The following PATJ variants were observed in gnomAD, a reference collection of about 807,000 sequenced individuals.
The protein encoded by PATJ is inaD-like protein.
A neutral mutation model predicts 224.9 loss-of-function variants in PATJ; 190 were observed. The ratio of observed to expected loss-of-function variants is 0.84; its 90% CI spans 0.75 to 0.95. PATJ has a LOEUF of 0.95. PATJ is among the 40% of genes least tolerant of loss of function. The pLI is 0.00. For synonymous variants in PATJ, 769 were observed against 820.3 expected, an observed-to-expected ratio of 0.94 and a Z score of 1.07; for missense variants, 2,121 against 2,270.3, an observed-to-expected ratio of 0.93 and a Z score of 1.34.
In PATJ at chr1:61,864,284, C is replaced by T; in HGVS notation, c.2486C>T (p.Pro829Leu). 6.2e-7 allele frequency: 1 copy of T among 1,612,798 alleles called. No individual in the cohort carries two copies. Among genetic ancestry groups the T allele is most frequent in the African/African-American group, 1.3e-5 (1 of 74,942 alleles). The change falls in exon 20 of 44, where the codon CCA becomes CTA. Residue 829 changes from proline to leucine, a missense_variant. Coordinates refer to ENST00000642238, the MANE Select transcript of PATJ (RefSeq NM_001350145.3). The stretch of plus-strand genomic sequence containing the variant: ...TTTAAAGAAGAACTTGTGGATGAAC[C>T]ATTTCTAGATCTGGGAAAGTCTTTC... The part of the protein sequence containing the change: ...PYFKEELVDE[P>L]FLDLGKSFHS...
At chr1:62,151,569 T>C (rs1189024262) in intron 42 of PATJ, among the ~76,000 whole-genome samples, 1 of 152,038 alleles carries the variant, frequency 6.6e-6, no homozygotes, top group African/African-American at 2.4e-5. Context: ...GCAGCCTGGG[T>C]GACAGAGCGA....
At chr1:62,102,131 A>T (rs1662249172) in intron 33 of PATJ, among the ~76,000 whole-genome samples, 1 of 152,104 alleles carries the variant, frequency 6.6e-6, no homozygotes, top group Non-Finnish European at 1.5e-5. Flanking sequence ...GTAAGCTAAG[A>T]TTGCACCACT....
intron 33 of PATJ, 125 bp from the exon 34 acceptor site, chr1:62,108,312 A>G (rs1663357707): frequency 7.6e-6 from 4 of 529,592 alleles, no homozygotes; most frequent in Non-Finnish European, 1.0e-5. Context: ...TATATTGTTT[A>G]TCTTTATGTC....
At chr1:62,003,965 A>ACCTGCGTG (rs1450004590) in intron 28 of PATJ, among the ~76,000 whole-genome samples, 1 of 152,134 alleles carries the variant, frequency 6.6e-6, no homozygotes, top group Non-Finnish European at 1.5e-5. Flanking sequence ...TGAGTTTCAC[A>ACCTGCGTG]CCTGCGTGCC....
chr1:61,901,347 T>C lies in PATJ; in HGVS notation c.3269T>C (p.Ile1090Thr), dbSNP rs1671126112. The C allele has an allele frequency of 5.0e-6, 8 of 1,585,772 alleles. No homozygotes were observed. The highest frequency in any genetic ancestry group is 6.0e-6 in the Non-Finnish European group (7 of 1,170,558). The change falls in exon 24 of 44, where the codon ATA (isoleucine) becomes ACA (threonine). Residue 1090 changes from isoleucine (I) to threonine (T), a missense_variant. By Grantham distance (89) the Ile-to-Thr change is moderately conservative. Transcript: ENST00000642238. ...AGTATTGTTGGTGGACAAACTGTTA[T>C]AAAACGTCTAAAGAATGGAGAGGAG... ...GISIVGGQTVIKRLKNGEELK... is the reference protein window; with the variant it reads ...GISIVGGQTVTKRLKNGEELK...
At chr1:61,746,641 T>TA (rs1357222752) in intron 1 of PATJ, among the ~76,000 whole-genome samples, 1 of 151,704 alleles carries the variant, frequency 6.6e-6, no homozygotes, top group East Asian at 2.0e-4. Flanking sequence ...ATCAGAAAAA[T>TA]AGTTGTGTTT....
intron 41 of PATJ, among the ~76,000 whole-genome samples, chr1:62,146,786 A>G (rs1668084023): frequency 6.6e-6 from 1 of 152,112 alleles, no homozygotes. Context: ...TCAAAAAAAT[A>G]AAAATAAAAA....
At chr1:62,063,063 A>C (rs1267546287) in intron 31 of PATJ, among the ~76,000 whole-genome samples, 9 of 152,202 alleles carry the variant, frequency 5.9e-5, no homozygotes, top group Middle Eastern at 3.2e-3. Context: ...TTGAGCACTC[A>C]GTTACAAATT....
chr1:62,129,268 T>C (rs192787372), intron 41 of PATJ, among the ~76,000 whole-genome samples: 3 of 152,232 alleles, frequency 2.0e-5, no homozygotes, highest in African/African-American at 4.8e-5. Flanking sequence ...TCTTTTCTTA[T>C]GCCCAAAGAC....
chr1:62,044,691 T>C (rs1652189140), intron 30 of PATJ, among the ~76,000 whole-genome samples: 1 of 152,232 alleles, frequency 6.6e-6, no homozygotes, highest in Non-Finnish European at 1.5e-5. Flanking sequence ...TCAGGGAGGT[T>C]GATCATGCAG....
At chr1:61,765,439 A>C (rs1304501359) in intron 3 of PATJ, among the ~76,000 whole-genome samples, 1 of 151,138 alleles carries the variant, frequency 6.6e-6, no homozygotes, top group Non-Finnish European at 1.5e-5. Context: ...GGCTGAGTGC[A>C]GTGGTGCAAT....
intron 16 of PATJ, among the ~76,000 whole-genome samples, chr1:61,829,177 C>T (rs1282549019): frequency 6.6e-6 from 1 of 152,176 alleles, no homozygotes; most frequent in African/African-American, 2.4e-5. Context: ...AGACTGTCAG[C>T]TCCTTGTGGG....
intron 18 of PATJ, 130 bp downstream of exon 18, chr1:61,856,369 G>C (rs1434184078): frequency 4.4e-6 from 3 of 678,784 alleles, no homozygotes; most frequent in Non-Finnish European, 7.6e-6. Context: ...CCTTGGGCAG[G>C]TTTCTTAATG....
intron 31 of PATJ, among the ~76,000 whole-genome samples, chr1:62,055,730 C>A (rs1385424467): frequency 6.6e-6 from 1 of 152,140 alleles, no homozygotes; most frequent in Non-Finnish European, 1.5e-5. Context: ...GTGACTTTTT[C>A]AACCTGAAAA....
At chr1:61,850,080 G>T (rs1253293508) in intron 17 of PATJ, among the ~76,000 whole-genome samples, 1 of 151,964 alleles carries the variant, frequency 6.6e-6, no homozygotes, top group Non-Finnish European at 1.5e-5. Flanking sequence ...CACTGAGTTT[G>T]CCATGGTAGC....
chr1:61,784,061 A>G (rs1223609436), intron 7 of PATJ, among the ~76,000 whole-genome samples: 1 of 152,220 alleles, frequency 6.6e-6, no homozygotes, highest in Non-Finnish European at 1.5e-5. Flanking sequence ...CTGGGATTAC[A>G]GGTGTACATT....
chr1:62,061,654 A>G (rs1018937034), intron 31 of PATJ, among the ~76,000 whole-genome samples: 2 of 151,894 alleles, frequency 1.3e-5, no homozygotes. Flanking sequence ...TTTCATGTGT[A>G]TGCACCACAT....
chr1:62,157,323 C>CA (rs1180556601), intron 43 of PATJ, among the ~76,000 whole-genome samples: 15 of 144,884 alleles, frequency 1.0e-4, no homozygotes, highest in Admixed American at 2.9e-4. Context: ...GACTCCATCT[C>CA]AAAAAAAAAA....
chr1:61,926,098 A>T (rs948815395), intron 26 of PATJ, among the ~76,000 whole-genome samples: 2 of 152,232 alleles, frequency 1.3e-5, no homozygotes, highest in Non-Finnish European at 2.9e-5. Flanking sequence ...CAAATAGTTC[A>T]GGGAGGCCTA....
Sources: gnomAD v4.1 joint callset for allele counts (sites outside exome capture counted in the v4.1 genomes callset) on GRCh38, gnomAD v4.1.1 for gene constraint, MANE v1.5 for transcripts, NCBI Gene and HGNC (gene_info 2026-07-23, HGNC 2026-07-21) for gene names.